LRRC56: variants seen among roughly 807,000 people sequenced by gnomAD.
The protein encoded by LRRC56 is leucine-rich repeat-containing protein 56.
In LRRC56, 41 loss-of-function variants were observed where a neutral mutation model predicts 47.8. The observed-to-expected ratio is 0.86, with a 90% confidence interval of 0.67 to 1.11. The LOEUF (loss-of-function observed/expected upper bound fraction) is 1.11. Among genes scored for constraint, LRRC56 ranks in the 50% most tolerant of loss-of-function variants. The pLI is 0.00. For synonymous variants in LRRC56, 387 were observed against 311.2 expected, an observed-to-expected ratio of 1.24 and a Z score of -2.56; for missense variants, 759 against 704.2, an observed-to-expected ratio of 1.08 and a Z score of -0.88.
the LRRC56 span, among the ~76,000 whole-genome samples, chr11:514,334 T>C: frequency 6.6e-6 from 1 of 151,730 alleles, no homozygotes; most frequent in Non-Finnish European, 1.5e-5. Context: ...TTGCCCAGAC[T>C]AGAGTGCAGT....
the LRRC56 span, among the ~76,000 whole-genome samples, chr11:531,323 C>A: frequency 6.6e-6 from 1 of 152,156 alleles, no homozygotes; most frequent in Admixed American, 6.5e-5. Flanking sequence ...CACAAGTCCC[C>A]GTCCCAGAGG....
the LRRC56 span, among the ~76,000 whole-genome samples, chr11:514,651 G>A: frequency 6.6e-6 from 1 of 152,048 alleles, no homozygotes; most frequent in Admixed American, 6.6e-5. Context: ...AGTTGGGGAG[G>A]GAGTGAGGAG....
Position 552,706 on chromosome 11 carries a change from C to T in LRRC56, c.1315+4C>T. ...AGCCCCCCAAGCCTGGCCTCAGGTA[C>T]TGAGCCTGCCCGCCTGCCCCCCAGT... On this transcript the variant is annotated splice_donor_region_variant and intron_variant, in intron 13 of 13. Transcript: ENST00000270115. 6.3e-7 allele frequency: 1 copy of T among 1,595,550 alleles called. No homozygotes were observed. The highest frequency in any genetic ancestry group is 8.5e-7 in the Non-Finnish European group (1 of 1,171,026).
the LRRC56 span, chr11:529,561 G>A: frequency 4.6e-5 from 7 of 152,262 alleles, no homozygotes; most frequent in African/African-American, 1.2e-4. Flanking sequence ...GTCAGGGTGC[G>A]GGGATGGGCT....
chr11:547,074 G>A (rs187181074), intron 6 of LRRC56, among the ~76,000 whole-genome samples: 1 of 151,156 alleles, frequency 6.6e-6, no homozygotes, highest in Non-Finnish European at 1.5e-5. Flanking sequence ...AAAAAAATTA[G>A]CTGGGCTTGG....
intron 3 of LRRC56, among the ~76,000 whole-genome samples, chr11:540,400 G>A (rs1564797045): frequency 6.6e-6 from 1 of 152,192 alleles, no homozygotes; most frequent in African/African-American, 2.4e-5. Context: ...CCCTGAGGAT[G>A]GGCAGAAACA....
intron 6 of LRRC56, 112 bp from the exon 7 acceptor site, chr11:549,790 G>C (rs1852278772): frequency 2.4e-5 from 20 of 844,752 alleles, no homozygotes; most frequent in South Asian, 1.1e-4. Flanking sequence ...CCTCAGTCTA[G>C]AGGCCACCAT....
chr11:550,621 AGCCCCACAG>A (rs909631447), intron 8 of LRRC56, among the ~76,000 whole-genome samples: 3 of 152,150 alleles, frequency 2.0e-5, no homozygotes, highest in African/African-American at 7.2e-5. Context: ...AGCCACCTCC[AGCCCCACAG>A]GCCCCACAGA....
chr11:547,176 G>A (rs1177997383), intron 6 of LRRC56, among the ~76,000 whole-genome samples: 1 of 151,828 alleles, frequency 6.6e-6, no homozygotes, highest in African/African-American at 2.4e-5. Flanking sequence ...AGGTTGCAGT[G>A]AGCTGAGATC....
intron 6 of LRRC56, among the ~76,000 whole-genome samples, chr11:548,186 A>G (rs1429677676): frequency 6.6e-6 from 1 of 152,216 alleles, no homozygotes; most frequent in African/African-American, 2.4e-5. Flanking sequence ...CTGAAAGGAA[A>G]AACAAACTGA....
At chr11:516,324 C>T in the LRRC56 span, among the ~76,000 whole-genome samples, 49 of 151,912 alleles carry the variant, frequency 3.2e-4, no homozygotes, top group Non-Finnish European at 5.4e-4. Flanking sequence ...GCCCCAGAGG[C>T]GGAGGCTGCA....
At chr11:551,031 CCCCACGGTGGG>C (rs1426817919) in intron 8 of LRRC56, 89 bp from the exon 9 acceptor site, 8 of 691,828 alleles carry the variant, frequency 1.2e-5, no homozygotes, top group African/African-American at 1.1e-4. Context: ...CCCTGCCCTG[CCCCACGGTGGG>C]TCTGGGAAAG....
At chr11:518,050 G>C in the LRRC56 span, among the ~76,000 whole-genome samples, 2 of 152,138 alleles carry the variant, frequency 1.3e-5, no homozygotes, top group Admixed American at 6.5e-5. Flanking sequence ...AGGGACCTCT[G>C]CCTAGGAAAA....
At chr11:548,775 G>A (rs1424902683) in intron 6 of LRRC56, among the ~76,000 whole-genome samples, 1 of 152,074 alleles carries the variant, frequency 6.6e-6, no homozygotes. Flanking sequence ...GTTTTTTAAG[G>A]ACAGAAATAA....
chr11:529,405 G>C, the LRRC56 span: 2 of 152,426 alleles, frequency 1.3e-5, no homozygotes, highest in African/African-American at 4.8e-5. Context: ...CCTGCAGGAG[G>C]GGGTCTCAGC....
the LRRC56 span, among the ~76,000 whole-genome samples, chr11:522,964 G>GTC: frequency 1.3e-5 from 2 of 152,104 alleles, no homozygotes; most frequent in Non-Finnish European, 2.9e-5. Context: ...GGCCAAGCTG[G>GTC]TCTCTGTATA....
chr11:517,574 G>A, the LRRC56 span, among the ~76,000 whole-genome samples: 3 of 151,702 alleles, frequency 2.0e-5, no homozygotes, highest in South Asian at 6.2e-4. Flanking sequence ...TCCCATCTGG[G>A]GGGTGAGGAG....
At chr11:531,464 G>A in the LRRC56 span, among the ~76,000 whole-genome samples, 1 of 152,186 alleles carries the variant, frequency 6.6e-6, no homozygotes, top group Non-Finnish European at 1.5e-5. Flanking sequence ...CTAGAACTTG[G>A]CCCAAGGCAG....
chr11:540,596 G>C, intron 3 of LRRC56, 78 bp from the exon 4 acceptor site: 1 of 1,306,858 alleles, frequency 7.7e-7, no homozygotes. Context: ...GGGGTTGAGG[G>C]CTGGGCCAGG....
Sources: gnomAD v4.1 joint callset for allele counts (sites outside exome capture counted in the v4.1 genomes callset) on GRCh38, gnomAD v4.1.1 for gene constraint, MANE v1.5 for transcripts, NCBI Gene and HGNC (gene_info 2026-07-23, HGNC 2026-07-21) for gene names.